Variants in RAB2B observed in about 807,000 individuals in gnomAD.
RAB2B encodes the protein RAB2B, member RAS oncogene family.
In RAB2B, 20 loss-of-function variants were observed where a neutral mutation model predicts 29.8. That is an observed-to-expected ratio of 0.67 (90% CI 0.47 to 0.97). The LOEUF is 0.97. Ranked by LOEUF, RAB2B falls within the 50% of genes least tolerant of loss-of-function variation. The pLI is 0.00. For synonymous variants in RAB2B, 93 were observed against 91.7 expected (o/e 1.01, Z -0.08); for missense variants, 218 against 272.0 (o/e 0.80, Z 1.40).
chr14:21,473,410 G>T (rs868180759), intron 3 of RAB2B, among the ~76,000 whole-genome samples: 1 of 152,144 alleles, frequency 6.6e-6, no homozygotes, highest in Admixed American at 6.5e-5. Flanking sequence ...AATCAAATGA[G>T]ATAATGCACA....
In RAB2B at chr14:21,460,772, C is replaced by G. The variant is rs1215140413; in HGVS notation, c.*424G>C. ...GGGATTACAGGCATGCACCACCACA[C>G]CCAGCTAATTTTGTATTTTCAGTTG... On this transcript the variant is annotated 3_prime_UTR_variant, in exon 8 of 8. Coordinates refer to ENST00000397762, the MANE Select transcript of RAB2B (RefSeq NM_032846.4). 6.5e-6 allele frequency: 1 copy of G among 153,552 alleles called. No individual in the cohort carries two copies. Among genetic ancestry groups the G allele is most frequent in the Admixed American group, 6.5e-5 (1 of 15,388 alleles). 9.5% of individuals were successfully genotyped at this position (153,552 alleles called of 1,614,324 possible).
chr14:21,472,276 G>T (rs922179660), intron 3 of RAB2B, among the ~76,000 whole-genome samples: 1 of 151,956 alleles, frequency 6.6e-6, no homozygotes, highest in Non-Finnish European at 1.5e-5. Flanking sequence ...ACACACACAC[G>T]ATTTTTTAAA....
At chr14:21,472,894 T>C (rs558963213) in intron 3 of RAB2B, among the ~76,000 whole-genome samples, 7 of 151,246 alleles carry the variant, frequency 4.6e-5, no homozygotes, top group African/African-American at 1.7e-4. Context: ...TTCCCCAGCA[T>C]CAAAACATTC....
chr14:21,476,798 G>C, intron 1 of RAB2B, 29 bp downstream of exon 1: 7 of 1,595,174 alleles, frequency 4.4e-6, no homozygotes, highest in Non-Finnish European at 5.1e-6. Flanking sequence ...GCCCGCCCGA[G>C]CCTTGAAGGC....
rs1890496525 is a variant in RAB2B at position 21,459,795 on chromosome 14, G to A, written c.*1401C>T. On this transcript the variant is annotated 3_prime_UTR_variant, in exon 8 of 8. Coordinates refer to ENST00000397762, the MANE Select transcript of RAB2B (RefSeq NM_032846.4). ...GAGAGTAGGGCATGTGCAAAGGTAT[G>A]GAACTAGGAATAAATATGTCACATT... 1 of 188,090 alleles carries A rather than the reference G, an allele frequency of 5.3e-6. No individual in the cohort carries two copies. Among genetic ancestry groups the A allele is most frequent in the Non-Finnish European group, 1.1e-5 (1 of 88,184 alleles). 11.7% of individuals were successfully genotyped at this position (188,090 alleles called of 1,614,324 possible).
intron 6 of RAB2B, 115 bp from the exon 7 acceptor site, chr14:21,462,533 A>G (rs1051038212): frequency 3.9e-6 from 4 of 1,035,976 alleles, no homozygotes; most frequent in Non-Finnish European, 4.1e-6. Context: ...GAACCATTAG[A>G]AGACAGTAAA....
intron 5 of RAB2B, among the ~76,000 whole-genome samples, chr14:21,465,827 A>G (rs1033595672): frequency 6.6e-6 from 1 of 152,084 alleles, no homozygotes; most frequent in Non-Finnish European, 1.5e-5. Flanking sequence ...ATTTAGTCCA[A>G]TCACACTAGG....
chr14:21,475,194 A>G (rs1890917119), intron 2 of RAB2B, among the ~76,000 whole-genome samples: 1 of 152,242 alleles, frequency 6.6e-6, no homozygotes, highest in South Asian at 2.1e-4. Flanking sequence ...AAAACCAATT[A>G]AGAAGTCAAA....
chr14:21,463,122 T>C (rs1438356972), intron 6 of RAB2B, among the ~76,000 whole-genome samples: 2 of 152,064 alleles, frequency 1.3e-5, no homozygotes, highest in African/African-American at 4.8e-5. Flanking sequence ...TGGTGTCTAA[T>C]CCACACTTGC....
rs1890992817 is a variant in RAB2B at position 21,476,925 on chromosome 14, T to A, written c.-53A>T. 6.3e-7 allele frequency: 1 copy of A among 1,579,484 alleles called. No individual in the cohort carries two copies. On this transcript the variant is annotated 5_prime_UTR_variant, in exon 1 of 8. Transcript: ENST00000397762. ...CGCCCGACTTCTATAGCCACTTACC[T>A]CCGACCTCTCTAGCCACTCAATCTA... is the stretch of plus-strand genomic sequence containing the variant.
chr14:21,474,488 G>T, intron 3 of RAB2B: 1 of 198,542 alleles, frequency 5.0e-6, no homozygotes, highest in Non-Finnish European at 1.0e-5. Context: ...TTACATGTAT[G>T]TATCTAAATG....
At chr14:21,472,485 C>T (rs950713237) in intron 3 of RAB2B, among the ~76,000 whole-genome samples, 43 of 152,032 alleles carry the variant, frequency 2.8e-4, no homozygotes, top group Non-Finnish European at 5.0e-4. Context: ...GGGCTGACAA[C>T]GGAGAAATGA....
chr14:21,476,652 A>G (rs568755117), intron 1 of RAB2B, 53 bp from the exon 2 acceptor site: 241 of 1,613,478 alleles, frequency 1.5e-4, no homozygotes, highest in Non-Finnish European at 1.9e-4. Flanking sequence ...CACCTTCCAG[A>G]GTATGGACTT....
intron 2 of RAB2B, 28 bp from the exon 3 acceptor site, chr14:21,474,962 G>A: frequency 6.2e-7 from 1 of 1,602,864 alleles, no homozygotes; most frequent in Non-Finnish European, 8.5e-7. Context: ...GAGAAAGAAT[G>A]TGATTCTCAC....
At chr14:21,461,739 CCT>C (rs1301733658) in intron 7 of RAB2B, among the ~76,000 whole-genome samples, 4 of 152,264 alleles carry the variant, frequency 2.6e-5, no homozygotes, top group African/African-American at 9.6e-5. Flanking sequence ...CCACTGCACC[CCT>C]GTGCTCATTT....
At chr14:21,462,482 T>C in intron 6 of RAB2B, 64 bp from the exon 7 acceptor site, 1 of 1,345,102 alleles carries the variant, frequency 7.4e-7, no homozygotes, top group Non-Finnish European at 1.0e-6. Flanking sequence ...GGAAAGAGAA[T>C]ATTAATTATT....
chr14:21,464,053 G>C (rs1464064956), intron 5 of RAB2B, among the ~76,000 whole-genome samples: 1 of 152,044 alleles, frequency 6.6e-6, no homozygotes, highest in Admixed American at 6.6e-5. Flanking sequence ...CAAAGCTTAT[G>C]CTCTATTGCT....
intron 5 of RAB2B, among the ~76,000 whole-genome samples, chr14:21,467,484 C>G (rs984275167): frequency 6.6e-6 from 1 of 152,160 alleles, no homozygotes; most frequent in Non-Finnish European, 1.5e-5. Context: ...ATAAAAAATA[C>G]TCATGTTGTT....
intron 2 of RAB2B, 43 bp downstream of exon 2, chr14:21,476,485 G>A (rs377654081): frequency 6.8e-6 from 11 of 1,610,896 alleles, no homozygotes; most frequent in Admixed American, 6.7e-5. Context: ...AATTTAGCTA[G>A]TCAGGTTTTA....
Sources: gnomAD v4.1 joint callset for allele counts (sites outside exome capture counted in the v4.1 genomes callset) on GRCh38, gnomAD v4.1.1 for gene constraint, MANE v1.5 for transcripts, NCBI Gene and HGNC (gene_info 2026-07-23, HGNC 2026-07-21) for gene names.